The following TCF20 variants were observed in gnomAD, a reference collection of about 807,000 sequenced individuals.
The protein encoded by TCF20 is SPRE-binding protein.
Under a neutral mutation model 148.6 loss-of-function variants are expected in TCF20, and 3 were observed. The observed-to-expected ratio is 0.02, with a 90% CI of 0.01 to 0.05. The LOEUF is 0.05. Ranked by LOEUF, TCF20 falls within the 10% of genes least tolerant of loss-of-function variation. The pLI, the probability that TCF20 is intolerant of heterozygous loss-of-function variation, is 1.00. For missense variants in TCF20, 2,350 were observed against 2,429.3 expected (o/e 0.97, Z 0.69); for synonymous variants, 1,049 against 909.5 (o/e 1.15, Z -2.76).
chr22:42,339,039 G>T (rs1026327967), intron 1 of TCF20, among the ~76,000 whole-genome samples: 6 of 151,982 alleles, frequency 3.9e-5, no homozygotes, highest in African/African-American at 1.5e-4. Context: ...CCCACCCCTG[G>T]GTCTTTCCAG....
intron 3 of TCF20, among the ~76,000 whole-genome samples, chr22:42,172,009 A>T (rs1434119891): frequency 6.6e-6 from 1 of 152,224 alleles, no homozygotes. Flanking sequence ...TCTGAGTTAG[A>T]AGCAGAAAAG....
chr22:42,268,410 GAA>G (rs1926410265), intron 1 of TCF20, among the ~76,000 whole-genome samples: 1 of 152,194 alleles, frequency 6.6e-6, no homozygotes, highest in South Asian at 2.1e-4. Context: ...CCAGTAAGGA[GAA>G]AGTTGGGGAT....
chr22:42,188,543 C>G (rs889615559), intron 2 of TCF20, among the ~76,000 whole-genome samples: 1 of 152,118 alleles, frequency 6.6e-6, no homozygotes, highest in African/African-American at 2.4e-5. Context: ...GATTCCACAG[C>G]ATAAAACTGC....
chr22:42,163,470 T>A (rs1210636029), intron 5 of TCF20, among the ~76,000 whole-genome samples: 2 of 152,150 alleles, frequency 1.3e-5, no homozygotes, highest in Admixed American at 6.5e-5. Context: ...GTAGGGAAAT[T>A]AGGAAGGAAG....
chr22:42,242,295 G>GAAT (rs143671593), intron 1 of TCF20, among the ~76,000 whole-genome samples: 1,862 of 151,502 alleles, frequency 0.012, 38 homozygotes, highest in African/African-American at 0.043. Context: ...AATGAGAAGG[G>GAAT]AATGGAGGCA....
At chr22:42,185,308 C>A (rs1447924042) in intron 2 of TCF20, among the ~76,000 whole-genome samples, 1 of 152,188 alleles carries the variant, frequency 6.6e-6, no homozygotes, top group Non-Finnish European at 1.5e-5. Context: ...CATGTTTGTC[C>A]ATCTCCCCTA....
chr22:42,262,250 G>A (rs1926067868), intron 1 of TCF20, among the ~76,000 whole-genome samples: 1 of 152,210 alleles, frequency 6.6e-6, no homozygotes, highest in Non-Finnish European at 1.5e-5. Context: ...CAGCAGAAAT[G>A]AGGCGGCCAT....
chr22:42,284,184 G>A (rs879600549), upstream of TCF20, among the ~76,000 whole-genome samples: 3 of 152,116 alleles, frequency 2.0e-5, no homozygotes, highest in Non-Finnish European at 4.4e-5. Flanking sequence ...TGCGGAGAGC[G>A]CGTGCCAGCG....
upstream of TCF20, among the ~76,000 whole-genome samples, chr22:42,286,764 G>A (rs754642425): frequency 4.6e-5 from 7 of 152,190 alleles, no homozygotes; most frequent in African/African-American, 7.2e-5. Flanking sequence ...CACTCTTTAT[G>A]TCACTGAGAT....
chr22:42,312,862 C>A (rs1927560728), intron 1 of TCF20, among the ~76,000 whole-genome samples: 1 of 152,192 alleles, frequency 6.6e-6, no homozygotes, highest in Non-Finnish European at 1.5e-5. Context: ...TAGTGCCCTG[C>A]ATGCCCAATG....
chr22:42,183,636 T>C (rs1936891495), intron 2 of TCF20, among the ~76,000 whole-genome samples: 1 of 152,218 alleles, frequency 6.6e-6, no homozygotes, highest in Non-Finnish European at 1.5e-5. Context: ...GTAAGACACC[T>C]GTGTTGGACT....
At chr22:42,194,248 G>A (rs953713539) in intron 2 of TCF20, among the ~76,000 whole-genome samples, 1 of 152,184 alleles carries the variant, frequency 6.6e-6, no homozygotes, top group Non-Finnish European at 1.5e-5. Flanking sequence ...CACCTTAAAT[G>A]GAGCTTTTTT....
intron 1 of TCF20, among the ~76,000 whole-genome samples, chr22:42,264,197 C>G (rs1218770636): frequency 6.6e-6 from 1 of 150,454 alleles, no homozygotes; most frequent in South Asian, 2.1e-4. Flanking sequence ...ATCCCCACCC[C>G]CCTACCCAAA....
intron 2 of TCF20, among the ~76,000 whole-genome samples, chr22:42,185,511 T>G (rs530257067): frequency 1.4e-4 from 22 of 152,316 alleles, no homozygotes; most frequent in Non-Finnish European, 2.1e-4. Flanking sequence ...GTGTTCATTT[T>G]TGGCCACCAG....
At chr22:42,180,842 A>C (rs1936735323) in intron 2 of TCF20, among the ~76,000 whole-genome samples, 1 of 152,242 alleles carries the variant, frequency 6.6e-6, no homozygotes, top group Non-Finnish European at 1.5e-5. Context: ...CAGAGCTGAG[A>C]TTCTGGATGA....
intron 3 of TCF20, among the ~76,000 whole-genome samples, chr22:42,173,837 C>T (rs1401086349): frequency 6.6e-6 from 1 of 152,176 alleles, no homozygotes; most frequent in Non-Finnish European, 1.5e-5. Context: ...GCAGCAGAGG[C>T]AGCAAAGCCA....
upstream of TCF20, among the ~76,000 whole-genome samples, chr22:42,273,360 CAAAAAAA>C (rs35166029): frequency 7.9e-3 from 484 of 61,268 alleles, 1 homozygote; most frequent in Middle Eastern, 0.047. Flanking sequence ...AACTCCGTCT[CAAAAAAA>C]AAAAAAAAAA....
intron 1 of TCF20, among the ~76,000 whole-genome samples, chr22:42,219,891 TCC>T: frequency 1.3e-5 from 2 of 152,160 alleles, no homozygotes; most frequent in Non-Finnish European, 2.9e-5. Context: ...CCGATGTACT[TCC>T]CATCCATAAT....
At chr22:42,185,457 C>T (rs1311882193) in intron 2 of TCF20, among the ~76,000 whole-genome samples, 1 of 152,168 alleles carries the variant, frequency 6.6e-6, no homozygotes, top group Admixed American at 6.5e-5. Flanking sequence ...CAATGAGTTA[C>T]AAAACTGATG....
Sources: gnomAD v4.1 joint callset for allele counts (sites outside exome capture counted in the v4.1 genomes callset) on GRCh38, gnomAD v4.1.1 for gene constraint, MANE v1.5 for transcripts, NCBI Gene and HGNC (gene_info 2026-07-23, HGNC 2026-07-21) for gene names.